Variants in VRK2 observed in about 807,000 individuals in gnomAD.
The protein encoded by VRK2 is VRK serine/threonine kinase 2, also known as serine/threonine-protein kinase VRK2.
Under a neutral mutation model 57.6 loss-of-function variants are expected in VRK2, and 60 were observed. The observed-to-expected ratio is 1.04, with a 90% confidence interval of 0.85 to 1.29. The LOEUF (loss-of-function observed/expected upper bound fraction) is 1.29, where lower values mean the gene tolerates loss of function less well. Among genes scored for constraint, VRK2 ranks in the 50% most tolerant of loss-of-function variants. The pLI is 0.00. For synonymous variants in VRK2, 231 were observed against 199.2 expected (o/e 1.16, Z -1.35); for missense variants, 705 against 588.1 (o/e 1.20, Z -2.06).
At chr2:57,986,300 T>C (rs541559847) in intron 1 of VRK2, among the ~76,000 whole-genome samples, 2 of 152,254 alleles carry the variant, frequency 1.3e-5, no homozygotes, top group Admixed American at 6.5e-5. Flanking sequence ...TAAGATTCAA[T>C]ATTCTTTAAA....
intron 7 of VRK2, among the ~76,000 whole-genome samples, chr2:58,114,175 AG>A (rs1292256989): frequency 6.6e-6 from 1 of 152,184 alleles, no homozygotes; most frequent in Non-Finnish European, 1.5e-5. Context: ...AGGTATAAAA[AG>A]TCTAAGAATT....
intron 2 of VRK2, among the ~76,000 whole-genome samples, chr2:58,077,369 G>C (rs1255824243): frequency 2.0e-5 from 3 of 151,840 alleles, no homozygotes; most frequent in Non-Finnish European, 4.4e-5. Context: ...GTTGTCTCAG[G>C]ATATTTTTCC....
chr2:58,078,509 A>G (rs1383196528), intron 2 of VRK2, among the ~76,000 whole-genome samples: 4 of 152,074 alleles, frequency 2.6e-5, no homozygotes, highest in Admixed American at 2.6e-4. Flanking sequence ...TTTTCAATAC[A>G]TACCCAGAAA....
At chr2:57,950,038 C>T (rs1470014131) in intron 1 of VRK2, among the ~76,000 whole-genome samples, 3 of 152,110 alleles carry the variant, frequency 2.0e-5, no homozygotes, top group South Asian at 2.1e-4. Context: ...AGAAGAAACA[C>T]CTGAACCTAG....
At chr2:57,928,318 A>G (rs564259327) in intron 1 of VRK2, among the ~76,000 whole-genome samples, 1 of 152,100 alleles carries the variant, frequency 6.6e-6, no homozygotes, top group Non-Finnish European at 1.5e-5. Flanking sequence ...TCCTGCTGTT[A>G]AAAGACTCTG....
chr2:57,991,151 T>G (rs1672754383), intron 1 of VRK2, among the ~76,000 whole-genome samples: 1 of 152,208 alleles, frequency 6.6e-6, no homozygotes, highest in African/African-American at 2.4e-5. Context: ...AGTCTTCAGC[T>G]ATAAGAGGCA....
At chr2:58,008,223 G>A (rs908934867) in intron 1 of VRK2, among the ~76,000 whole-genome samples, 3 of 151,614 alleles carry the variant, frequency 2.0e-5, no homozygotes, top group Non-Finnish European at 4.4e-5. Flanking sequence ...ATTACACTAG[G>A]GTCAAATAAG....
intron 7 of VRK2, among the ~76,000 whole-genome samples, chr2:58,100,334 TATATAAACA>T (rs1217742975): frequency 6.6e-6 from 1 of 152,018 alleles, no homozygotes; most frequent in Non-Finnish European, 1.5e-5. Flanking sequence ...ATCACTTCTA[TATATAAACA>T]ATATAAAATT....
At chr2:57,922,454 T>TTG (rs59731064) in intron 1 of VRK2, among the ~76,000 whole-genome samples, 15,716 of 146,818 alleles carry the variant, frequency 0.11, 819 homozygotes, top group Middle Eastern at 0.15. Flanking sequence ...AGTTACCTTC[T>TTG]TGTGTGTGTG....
chr2:57,908,516 C>T (rs1239127162), intron 1 of VRK2, among the ~76,000 whole-genome samples: 1 of 151,504 alleles, frequency 6.6e-6, no homozygotes, highest in Non-Finnish European at 1.5e-5. Context: ...TGGATGAAAA[C>T]ATTAAAAAAA....
At chr2:58,109,490 A>G (rs953750415) in intron 7 of VRK2, among the ~76,000 whole-genome samples, 1 of 151,984 alleles carries the variant, frequency 6.6e-6, no homozygotes, top group Non-Finnish European at 1.5e-5. Context: ...GGTTTAATTG[A>G]CTCACAGTTC....
chr2:58,033,927 T>C (rs2103702735), intron 3 of VRK2, among the ~76,000 whole-genome samples: 1 of 152,130 alleles, frequency 6.6e-6, no homozygotes, highest in East Asian at 1.9e-4. Context: ...CCTACTAGAA[T>C]ATATCTTGTC....
intron 1 of VRK2, among the ~76,000 whole-genome samples, chr2:57,926,172 T>C (rs1670525238): frequency 6.6e-6 from 1 of 151,948 alleles, no homozygotes; most frequent in Non-Finnish European, 1.5e-5. Flanking sequence ...GAATAATCCA[T>C]GTGCTGAGGA....
At chr2:57,939,357 T>C (rs1671019167) in intron 1 of VRK2, among the ~76,000 whole-genome samples, 1 of 152,212 alleles carries the variant, frequency 6.6e-6, no homozygotes, top group African/African-American at 2.4e-5. Context: ...TCTTGTTTTG[T>C]AAAGGGCTTC....
At chr2:58,035,455 G>C (rs1299196954) in intron 3 of VRK2, among the ~76,000 whole-genome samples, 3 of 151,934 alleles carry the variant, frequency 2.0e-5, no homozygotes, top group Non-Finnish European at 4.4e-5. Flanking sequence ...AAAAACTCAA[G>C]AGTATCTATG....
chr2:57,920,330 C>T (rs1439508066), intron 1 of VRK2, among the ~76,000 whole-genome samples: 1 of 152,086 alleles, frequency 6.6e-6, no homozygotes, highest in South Asian at 2.1e-4. Flanking sequence ...AACTAACTGT[C>T]ACACTCCAGA....
intron 1 of VRK2, among the ~76,000 whole-genome samples, chr2:58,001,121 A>T (rs1673075939): frequency 6.6e-6 from 1 of 152,234 alleles, no homozygotes; most frequent in Admixed American, 6.5e-5. Flanking sequence ...CAGATGGAAT[A>T]AAAAAAGAAG....
intron 7 of VRK2, among the ~76,000 whole-genome samples, chr2:58,122,886 GA>G (rs1391328229): frequency 1.3e-5 from 2 of 152,166 alleles, no homozygotes; most frequent in Non-Finnish European, 2.9e-5. Context: ...AGTCAACTCA[GA>G]AATAAGATAT....
At chr2:57,950,766 G>C (rs962028075) in intron 1 of VRK2, among the ~76,000 whole-genome samples, 1 of 152,120 alleles carries the variant, frequency 6.6e-6, no homozygotes. Flanking sequence ...TAAAATCTCC[G>C]TAAAGGATCA....
Sources: allele counts gnomAD v4.1 joint callset (sites outside exome capture counted in the v4.1 genomes callset), GRCh38; gene constraint gnomAD v4.1.1; transcripts MANE v1.5; gene names NCBI Gene and HGNC (gene_info 2026-07-23, HGNC 2026-07-21).